PDE1A: variants seen among roughly 807,000 people sequenced by gnomAD.
The protein encoded by PDE1A is dual specificity calcium/calmodulin-dependent 3',5'-cyclic nucleotide phosphodiesterase 1A.
A neutral mutation model predicts 61.7 loss-of-function variants in PDE1A; 35 were observed. That is an observed-to-expected ratio of 0.57 (90% CI 0.43 to 0.75). The LOEUF (loss-of-function observed/expected upper bound fraction) is 0.75. Ranked by LOEUF, PDE1A falls within the 30% of genes least tolerant of loss-of-function variation. PDE1A has a pLI of 0.00. For synonymous variants in PDE1A, 232 were observed against 213.2 expected (o/e 1.09, Z -0.77); for missense variants, 597 against 630.6 (o/e 0.95, Z 0.57).
At chr2:182,145,752 A>G (rs917627061), downstream of PDE1A, among the ~76,000 whole-genome samples, 1 of 152,104 alleles carries the variant, frequency 6.6e-6, no homozygotes, top group African/African-American at 2.4e-5. Flanking sequence ...AGAAAAATGC[A>G]AAAAGGTACT....
chr2:182,242,582 T>G (rs949897091), intron 2 of PDE1A, among the ~76,000 whole-genome samples: 68 of 152,344 alleles, frequency 4.5e-4, no homozygotes, highest in African/African-American at 1.6e-3. Flanking sequence ...TGTGAAAGTA[T>G]TTTTTAGATG....
chr2:182,224,725 T>C (rs995154037), intron 6 of PDE1A, among the ~76,000 whole-genome samples: 1 of 151,938 alleles, frequency 6.6e-6, no homozygotes, highest in Non-Finnish European at 1.5e-5. Context: ...GGTAACCACA[T>C]GTGACTGTTT....
Position 182,191,846 on chromosome 2 carries a change from CT to C in PDE1A, c.1126-2787del, listed in dbSNP as rs142596612. 2.6e-3 allele frequency among the ~76,000 whole-genome samples: 387 copies of C among 146,124 alleles called. 4 individuals are homozygous for C. The highest frequency in any genetic ancestry group is 9.0e-3 in the African/African-American group (350 of 39,020). On this transcript the variant is annotated intron_variant, in intron 10 of 13. Coordinates refer to ENST00000351439, the Ensembl canonical transcript of PDE1A. Reference sequence around the variant, plus strand: ...GAAAGGCATTATGATGATTTACTTTCTTTTTTTTTTTATTTTTTTATTTTTT... The same window carrying C: ...GAAAGGCATTATGATGATTTACTTTCTTTTTTTTTTATTTTTTTATTTTTT...
chr2:182,662,003 A>G, the PDE1A span, among the ~76,000 whole-genome samples: 1 of 152,258 alleles, frequency 6.6e-6, no homozygotes, highest in African/African-American at 2.4e-5. Context: ...TCTAAAATTT[A>G]TATGAAAAAA....
chr2:182,648,550 G>GGATGTAGT, the PDE1A span, among the ~76,000 whole-genome samples: 7 of 134,364 alleles, frequency 5.2e-5, no homozygotes, highest in Non-Finnish European at 9.6e-5. Flanking sequence ...AAAATTACCT[G>GGATGTAGT]GATGTAGTGG....
At chr2:182,373,693 G>C (rs1017403114) in intron 1 of PDE1A, among the ~76,000 whole-genome samples, 2 of 152,130 alleles carry the variant, frequency 1.3e-5, no homozygotes, top group Non-Finnish European at 2.9e-5. Context: ...GAAGGAGAAA[G>C]GATAGAATTT....
intron 2 of PDE1A, among the ~76,000 whole-genome samples, chr2:182,244,572 TA>T (rs1374058347): frequency 1.2e-5 from 1 of 83,718 alleles, no homozygotes; most frequent in African/African-American, 6.2e-5. Context: ...TTCTTTGTTT[TA>T]ATTGTATTAT....
intron 1 of PDE1A, among the ~76,000 whole-genome samples, chr2:182,394,393 T>A (rs1701586919): frequency 6.6e-6 from 1 of 152,054 alleles, no homozygotes; most frequent in East Asian, 1.9e-4. Context: ...GCATGGGAAA[T>A]TCCCACCCCC....
intron 2 of PDE1A, among the ~76,000 whole-genome samples, chr2:182,440,481 C>T (rs748845235): frequency 6.6e-6 from 1 of 152,054 alleles, no homozygotes; most frequent in Non-Finnish European, 1.5e-5. Context: ...TTCTTCCTGA[C>T]TATATGCAGA....
chr2:182,624,899 G>T, the PDE1A span, among the ~76,000 whole-genome samples: 19 of 151,998 alleles, frequency 1.3e-4, no homozygotes, highest in Admixed American at 1.2e-3. Context: ...TACTTCAGCT[G>T]CCCCCTACAA....
the PDE1A span, among the ~76,000 whole-genome samples, chr2:182,564,032 T>C: frequency 4.6e-5 from 7 of 152,244 alleles, no homozygotes; most frequent in East Asian, 3.8e-4. Flanking sequence ...TGTCTTTTCA[T>C]TGGAGCATTT....
intron 2 of PDE1A, among the ~76,000 whole-genome samples, chr2:182,470,512 T>C (rs113681523): frequency 4.6e-5 from 7 of 151,940 alleles, no homozygotes; most frequent in East Asian, 1.9e-4. Flanking sequence ...TAGGAACTTA[T>C]AGTTTAGTAA....
upstream of PDE1A, among the ~76,000 whole-genome samples, chr2:182,524,181 T>C (rs374113357): frequency 1.3e-4 from 20 of 152,334 alleles, no homozygotes; most frequent in East Asian, 3.3e-3. Flanking sequence ...GCTATATTCA[T>C]GTAATAAACT....
At chr2:182,249,656 C>T (rs2125724392) in intron 2 of PDE1A, among the ~76,000 whole-genome samples, 1 of 152,052 alleles carries the variant, frequency 6.6e-6, no homozygotes, top group Admixed American at 6.5e-5. Context: ...TAGGAGAGTC[C>T]ATTAGTATTA....
intron 1 of PDE1A, among the ~76,000 whole-genome samples, chr2:182,389,187 A>G (rs997140490): frequency 6.6e-6 from 1 of 152,216 alleles, no homozygotes; most frequent in Non-Finnish European, 1.5e-5. Flanking sequence ...AACTGTGTCA[A>G]TGCAGTCTTT....
Position 182,422,050 on chromosome 2 carries a change from T to C in PDE1A, c.53+4528A>G, listed in dbSNP as rs528016920. Among the ~76,000 whole-genome samples, 11 of 152,278 alleles carry C rather than the reference T, an allele frequency of 7.2e-5. No homozygotes were observed. In the South Asian group the frequency reaches 2.3e-3, roughly 32 times the overall value. On this transcript the variant is annotated intron_variant, in intron 1 of 13. Coordinates refer to ENST00000351439, the Ensembl canonical transcript of PDE1A. Reference sequence around the variant, plus strand: ...GACGTAAAGAGAAGAAACAGCGTGATCTGAATGCTGTGAAGATCCCAATAT... The same window carrying C: ...GACGTAAAGAGAAGAAACAGCGTGACCTGAATGCTGTGAAGATCCCAATAT...
chr2:182,257,938 C>T (rs1240380434), intron 2 of PDE1A, among the ~76,000 whole-genome samples: 8 of 151,992 alleles, frequency 5.3e-5, no homozygotes, highest in African/African-American at 1.2e-4. Context: ...GGGGCCGAGG[C>T]GGGCAGATCA....
chr2:182,191,846 C>CTTTTT (rs142596612), intron 10 of PDE1A, among the ~76,000 whole-genome samples: 1 of 146,066 alleles, frequency 6.8e-6, no homozygotes, highest in Non-Finnish European at 1.5e-5. Flanking sequence ...GATTTACTTT[C>CTTTTT]TTTTTTTTTT....
At chr2:182,307,881 A>G (rs1695696570) in intron 1 of PDE1A, among the ~76,000 whole-genome samples, 1 of 152,136 alleles carries the variant, frequency 6.6e-6, no homozygotes, top group South Asian at 2.1e-4. Flanking sequence ...TAAAATTACA[A>G]AAGAGATGAA....
Sources: gnomAD v4.1 joint callset for allele counts (sites outside exome capture counted in the v4.1 genomes callset) on GRCh38, gnomAD v4.1.1 for gene constraint, MANE v1.5 for transcripts, NCBI Gene and HGNC (gene_info 2026-07-23, HGNC 2026-07-21) for gene names.